Variants in KMT2A observed in about 807,000 individuals in gnomAD.
The protein encoded by KMT2A is lysine methyltransferase 2A.
In KMT2A, 16 loss-of-function variants were observed where a neutral mutation model predicts 345.3. The observed-to-expected ratio is 0.05, with a 90% CI of 0.03 to 0.07. KMT2A has a LOEUF of 0.07. Ranked by LOEUF, KMT2A falls within the 10% of genes least tolerant of loss-of-function variation. The probability of loss-of-function intolerance (pLI) is 1.00; values close to 1 mark genes in which losing one functional copy is unlikely to be tolerated. For synonymous variants in KMT2A, 1,599 were observed against 1,778.6 expected (o/e 0.90, Z 2.54); for missense variants, 3,272 against 4,841.6 (o/e 0.68, Z 9.62).
In KMT2A at chr11:118,503,465, G is replaced by A; in HGVS notation, c.7573G>A (p.Val2525Met). Reference sequence around the variant, plus strand: ...GGCACCACGGAAACGCACAGTCAAAGTGACACTGACACCTCTAAAAATGGA... The same window carrying A: ...GGCACCACGGAAACGCACAGTCAAAATGACACTGACACCTCTAAAAATGGA... ...LQAPRKRTVK[V>M]TLTPLKMENE... The change falls in exon 27 of 36, where the codon GTG (valine) becomes ATG (methionine). Residue 2525 changes from valine to methionine, a missense_variant. By Grantham distance (21) the Val-to-Met change is conservative. Transcript: ENST00000534358. This position sits in a 1 kb window ranked among gnomAD's most constrained non-coding sequence, Gnocchi z 5.3. 6.2e-7 allele frequency: 1 copy of A among 1,614,168 alleles called. No homozygotes were observed. The highest frequency in any genetic ancestry group is 8.5e-7 in the Non-Finnish European group (1 of 1,180,026).
intron 1 of KMT2A, among the ~76,000 whole-genome samples, chr11:118,438,441 G>C (rs571884060): frequency 6.9e-6 from 1 of 144,726 alleles, no homozygotes; most frequent in African/African-American, 2.5e-5. Context: ...AATTGTAGAG[G>C]GGGGAGGATG....
At chr11:118,461,306 GT>G (rs1405990101) in intron 1 of KMT2A, among the ~76,000 whole-genome samples, 1 of 152,084 alleles carries the variant, frequency 6.6e-6, no homozygotes, top group Admixed American at 6.6e-5. Context: ...CAAATAACTG[GT>G]TACCCCAGAG....
chr11:118,456,529 G>A (rs782653794), intron 1 of KMT2A, among the ~76,000 whole-genome samples: 1 of 151,924 alleles, frequency 6.6e-6, no homozygotes. Context: ...TAGTAGAGAT[G>A]GGGTTTCACT....
chr11:118,502,763 A>G lies in KMT2A; in HGVS notation c.6871A>G (p.Met2291Val). Residue 2291 changes from methionine (M) to valine (V), a missense_variant, in exon 27 of 36, where the codon ATG becomes GTG. Met to Val is a conservative substitution (Grantham distance 21, BLOSUM62 1). Transcript: ENST00000534358. This position sits in a 1 kb window ranked among gnomAD's most constrained non-coding sequence, Gnocchi z 4.9. Reference protein sequence around the residue: ...SHLDGSSSSEMKQSSASDLVS... With the variant: ...SHLDGSSSSEVKQSSASDLVS... ...CTTGGATGGATCTTCATCTTCAGAA[A>G]TGAAGCAGTCCAGTGCTTCAGACTT... 6.2e-7 allele frequency: 1 copy of G among 1,614,174 alleles called. No homozygotes were observed. The highest frequency in any genetic ancestry group is 8.5e-7 in the Non-Finnish European group (1 of 1,180,038).
rs1028497041 is a variant in KMT2A, at chr11:118,511,827, C to G, written c.11072-124C>G. On this transcript the variant is annotated intron_variant, in intron 30 of 35. Transcript: ENST00000534358. Reference sequence around the variant, plus strand: ...AAACTCTAAGAAAAATAACAAAACACTGCTCTAGGAGGGCAAGTGTTCACA... The same window carrying G: ...AAACTCTAAGAAAAATAACAAAACAGTGCTCTAGGAGGGCAAGTGTTCACA... 46 of 775,602 alleles carry G rather than the reference C, an allele frequency of 5.9e-5. No homozygotes were observed. In the Middle Eastern group the frequency reaches 9.1e-4, roughly 15 times the overall value. The allele number at this position is 775,602 out of a possible 1,614,324, so 48.0% of individuals were successfully genotyped here. A position where few individuals can be genotyped will look rare whatever the true frequency, so the allele number is the denominator to read the frequency against.
In KMT2A at chr11:118,484,191, A is replaced by G; in HGVS notation, c.4095A>G (p.Pro1365=). The part of the protein sequence containing the change: ...VKQKPKEKEK[P]PPVNKQENAG... ...ATCTTTTGTCTCCTTAGGAAAAACC[A>G]CCTCCGGTCAATAAGCAGGAGAATG... Residue 1365 remains proline (P), a synonymous_variant, in exon 9 of 36, where the codon CCA becomes CCG. Coordinates refer to ENST00000534358, the MANE Select transcript of KMT2A (RefSeq NM_001197104.2). This position sits in a 1 kb window ranked among gnomAD's most constrained non-coding sequence, Gnocchi z 4.1. 1 of 1,614,054 alleles carries G rather than the reference A, an allele frequency of 6.2e-7. No individual in the cohort carries two copies. Among genetic ancestry groups the G allele is most frequent in the Non-Finnish European group, 8.5e-7 (1 of 1,179,998 alleles).
At chr11:118,470,119 C>CA (rs1949918267) in intron 2 of KMT2A, among the ~76,000 whole-genome samples, 1 of 152,162 alleles carries the variant, frequency 6.6e-6, no homozygotes, top group Non-Finnish European at 1.5e-5. Context: ...GGGAAGTTAG[C>CA]AGCAGTGCTG....
chr11:118,463,895 GAC>G (rs1275226753), intron 1 of KMT2A, among the ~76,000 whole-genome samples: 3 of 152,166 alleles, frequency 2.0e-5, no homozygotes, highest in African/African-American at 4.8e-5. Flanking sequence ...AGAAGGATAA[GAC>G]ATCAGTTTGA....
chr11:118,492,215 A>T (rs541132022), intron 15 of KMT2A, among the ~76,000 whole-genome samples: 20 of 152,198 alleles, frequency 1.3e-4, no homozygotes, highest in Non-Finnish European at 2.5e-4. Flanking sequence ...ACCTGATCAG[A>T]GTTGCTTCTT....
chr11:118,490,257 A>G lies in KMT2A; in HGVS notation c.4696+8A>G. 1 of 1,543,388 alleles carries G rather than the reference A, an allele frequency of 6.5e-7. No homozygotes were observed. The highest frequency in any genetic ancestry group is 8.7e-7 in the Non-Finnish European group (1 of 1,153,798). On this transcript the variant is annotated splice_region_variant and intron_variant, in intron 13 of 35. Coordinates refer to ENST00000534358, the MANE Select transcript of KMT2A (RefSeq NM_001197104.2). This position sits in a 1 kb window ranked among gnomAD's most constrained non-coding sequence, Gnocchi z 4.2. ...CCAAGCTCTTTGCTAAAGGTACCCA[A>G]AAAAGCCAGTTTTGCCAGCTTTCGG... is the stretch of plus-strand genomic sequence containing the variant.
rs1555046802 is a variant in KMT2A, at chr11:118,503,655, G to A, written c.7763G>A (p.Ser2588Asn). ...PNNTSCQDSQSNNYQNLPVQD... is the reference protein window; with the variant it reads ...PNNTSCQDSQNNNYQNLPVQD... The stretch of plus-strand genomic sequence containing the variant: ...AATACCTCATGCCAGGATTCTCAAA[G>A]TAACAACTATCAGAATCTTCCAGTA... Residue 2588 changes from serine (S) to asparagine (N), a missense_variant, in exon 27 of 36, where the codon AGT becomes AAT. This residue lies in a region of KMT2A where 445 missense variants were observed against 500.9 expected (regional missense o/e 0.89). Coordinates refer to ENST00000534358, the MANE Select transcript of KMT2A (RefSeq NM_001197104.2). The surrounding 1 kb of genome is among the most constrained non-coding windows in gnomAD (Gnocchi z 5.3). 5 of 1,614,194 alleles carry A rather than the reference G, an allele frequency of 3.1e-6. No homozygotes were observed.
In KMT2A at chr11:118,501,698, A is replaced by C. The variant is rs782540221; in HGVS notation, c.6346A>C (p.Thr2116Pro). The C allele has an allele frequency of 1.9e-6, 3 of 1,613,598 alleles. No homozygotes were observed. In the East Asian group the frequency reaches 6.7e-5, roughly 36 times the overall value. The change falls in exon 26 of 36, where the codon ACA (threonine) becomes CCA (proline). Residue 2116 changes from threonine to proline, a missense_variant. Coordinates refer to ENST00000534358, the MANE Select transcript of KMT2A (RefSeq NM_001197104.2). ...AAGTTCATCAAAAGAGAGTCAAAAC[A>C]CAGCTGAAATTATAAGTCCTCCATC... Reference protein sequence around the residue: ...TESSSKESQNTAEIISPPSPD... With the variant: ...TESSSKESQNPAEIISPPSPD...
chr11:118,464,309 G>A lies in KMT2A; in HGVS notation c.433-4466G>A, dbSNP rs140786729. On this transcript the variant is annotated intron_variant, in intron 1 of 35. Transcript: ENST00000534358. ...CCAGCACTTTCAGAGGCCAAGGTGG[G>A]TGGATCACCTGAGGTGAGGAGTTCG... is the stretch of plus-strand genomic sequence containing the variant. Among the ~76,000 whole-genome samples the A allele has an allele frequency of 1.2e-4, 18 of 152,334 alleles. No homozygotes were observed. The East Asian group carries it at 3.3e-3, about 28-fold the overall frequency.
At position 118,506,426 on chromosome 11, in the gene KMT2A, C is replaced by T. The variant is rs782667443; in HGVS notation, c.10534C>T (p.Pro3512Ser). The change falls in exon 27 of 36, where the codon CCC (proline) becomes TCC (serine). Residue 3512 changes from proline (P) to serine (S), a missense_variant. Around this residue, in one of 27 missense-constraint regions of KMT2A, gnomAD observed 748 missense variants for 922.2 expected, o/e 0.81. Coordinates refer to ENST00000534358, the MANE Select transcript of KMT2A (RefSeq NM_001197104.2). The part of the protein sequence containing the change: ...KALSSAVQAS[P>S]TSPGGSPSSP... ...TTTATCCTCAGCTGTGCAAGCCAGC[C>T]CCACCTCTCCTGGGGGTTCTCCATC... 2.5e-6 allele frequency: 4 copies of T among 1,614,064 alleles called. No homozygotes were observed. The highest frequency in any genetic ancestry group is 3.4e-6 in the Non-Finnish European group (4 of 1,180,024).
chr11:118,451,121 C>T (rs1262018844), intron 1 of KMT2A, among the ~76,000 whole-genome samples: 1 of 151,208 alleles, frequency 6.6e-6, no homozygotes, highest in African/African-American at 2.4e-5. Context: ...TATCAAAGAA[C>T]ATCTTTTATA....
intron 31 of KMT2A, among the ~76,000 whole-genome samples, chr11:118,512,896 A>G (rs1172384059): frequency 2.0e-5 from 3 of 151,942 alleles, no homozygotes; most frequent in Non-Finnish European, 4.4e-5. Context: ...TTCATATTAA[A>G]TTTAGGCAGC....
intron 6 of KMT2A, 37 bp from the exon 7 acceptor site, chr11:118,481,678 A>C: frequency 6.4e-7 from 1 of 1,574,606 alleles, no homozygotes; most frequent in Non-Finnish European, 8.6e-7. Context: ...AATTATTCTC[A>C]CTATAGACAG....
At chr11:118,465,001 C>G (rs562017467) in intron 1 of KMT2A, among the ~76,000 whole-genome samples, 13 of 152,202 alleles carry the variant, frequency 8.5e-5, no homozygotes, top group African/African-American at 3.1e-4. Context: ...CCTGCTCATT[C>G]CTCTCATCAA....
intron 31 of KMT2A, among the ~76,000 whole-genome samples, chr11:118,519,149 C>G (rs1185864940): frequency 6.6e-6 from 1 of 150,410 alleles, no homozygotes; most frequent in Non-Finnish European, 1.5e-5. Flanking sequence ...CTTATAGAAC[C>G]TAGATAATCC....
Sources: allele counts gnomAD v4.1 joint callset (sites outside exome capture counted in the v4.1 genomes callset), GRCh38; gene constraint gnomAD v4.1.1; regional missense constraint gnomAD v4.1.1; non-coding constraint Gnocchi (gnomAD v3.1); transcripts MANE v1.5; gene names NCBI Gene and HGNC (gene_info 2026-07-23, HGNC 2026-07-21).